Variants in BMP8A observed in about 807,000 individuals in gnomAD.
BMP8A encodes the protein bone morphogenetic protein 8a, also known as BMP-8A.
BMP8A carries 14 observed loss-of-function variants against 36.8 expected under a neutral mutation model. The ratio of observed to expected loss-of-function variants is 0.38; its 90% CI spans 0.25 to 0.60. The LOEUF (loss-of-function observed/expected upper bound fraction) is 0.60, where lower values mean the gene tolerates loss of function less well. Among genes scored for constraint, BMP8A ranks in the 20% least tolerant of loss-of-function variants. BMP8A has a pLI of 0.63. For missense variants in BMP8A, 267 were observed against 551.1 expected, an observed-to-expected ratio of 0.48 and a Z score of 5.16; for synonymous variants, 120 against 237.7, an observed-to-expected ratio of 0.50 and a Z score of 4.55.
intron 3 of BMP8A, among the ~76,000 whole-genome samples, chr1:39,514,657 C>T (rs1399560596): frequency 6.6e-6 from 1 of 152,018 alleles, no homozygotes; most frequent in Non-Finnish European, 1.5e-5. Context: ...GTCTGAGGCT[C>T]CACTGGGGCA....
At chr1:39,498,429 C>T (rs1170172398) in intron 1 of BMP8A, among the ~76,000 whole-genome samples, 2 of 152,218 alleles carry the variant, frequency 1.3e-5, no homozygotes, top group African/African-American at 4.8e-5. Context: ...TTGGCCTTGG[C>T]GGGCTTGATG....
intron 1 of BMP8A, among the ~76,000 whole-genome samples, chr1:39,495,107 G>T (rs942928966): frequency 6.6e-6 from 1 of 152,160 alleles, no homozygotes; most frequent in African/African-American, 2.4e-5. Context: ...AGCCACCATG[G>T]GATCTAATAG....
chr1:39,494,197 C>T (rs188240813), intron 1 of BMP8A, among the ~76,000 whole-genome samples: 2 of 152,336 alleles, frequency 1.3e-5, no homozygotes, highest in African/African-American at 4.8e-5. Flanking sequence ...GTGACAGGAA[C>T]ATCTCCACAT....
At chr1:39,507,013 C>G (rs1348297306) in intron 1 of BMP8A, among the ~76,000 whole-genome samples, 3 of 152,222 alleles carry the variant, frequency 2.0e-5, no homozygotes, top group African/African-American at 7.2e-5. Flanking sequence ...GGAACCTCCT[C>G]CTTCATGCCC....
rs941281 is a variant in BMP8A, at chr1:39,528,818, T to C, written c.*3020T>C. Among the ~76,000 whole-genome samples, 143,203 of 152,026 alleles carry C rather than the reference T, an allele frequency of 0.94. 67,882 individuals are homozygous for C. Among genetic ancestry groups the C allele is most frequent in the East Asian group, 1 (5,155 of 5,168 alleles). On this transcript the variant is annotated 3_prime_UTR_variant, in exon 7 of 7. Coordinates refer to ENST00000331593, the MANE Select transcript of BMP8A (RefSeq NM_181809.4). Reference sequence around the variant, plus strand: ...TGCTGGGCTCAAGCAATCCTCCCACTTCAGCCCGAGTTGCTGGGATGACAG... The same window carrying C: ...TGCTGGGCTCAAGCAATCCTCCCACCTCAGCCCGAGTTGCTGGGATGACAG...
chr1:39,506,501 C>A (rs1557688716), intron 1 of BMP8A, among the ~76,000 whole-genome samples: 1 of 152,026 alleles, frequency 6.6e-6, no homozygotes, highest in Non-Finnish European at 1.5e-5. Context: ...GCCACCGCGC[C>A]CCCCCCAATT....
At chr1:39,495,222 G>T (rs1645195277) in intron 1 of BMP8A, among the ~76,000 whole-genome samples, 1 of 152,194 alleles carries the variant, frequency 6.6e-6, no homozygotes, top group Non-Finnish European at 1.5e-5. Context: ...GCCAGGCCTG[G>T]TGCCCCTAGG....
At chr1:39,503,176 C>T (rs1398792112) in intron 1 of BMP8A, among the ~76,000 whole-genome samples, 5 of 152,028 alleles carry the variant, frequency 3.3e-5, no homozygotes, top group Non-Finnish European at 2.9e-5. Context: ...GACAAGATGG[C>T]AAGACCCCAT....
At chr1:39,518,203 T>C (rs709211) in intron 3 of BMP8A, among the ~76,000 whole-genome samples, 8,686 of 150,856 alleles carry the variant, frequency 0.058, 499 homozygotes, top group African/African-American at 0.19. Context: ...TCCCAGGCCA[T>C]TGGGGGCATG....
At chr1:39,506,001 A>AAAAAAAAAAC in intron 1 of BMP8A, among the ~76,000 whole-genome samples, 1 of 151,358 alleles carries the variant, frequency 6.6e-6, no homozygotes, top group Non-Finnish European at 1.5e-5. Context: ...AAAAAAAAAA[A>AAAAAAAAAAC]AAAAAGTGTC....
rs1645481202 is a variant in BMP8A at position 39,526,136 on chromosome 1, GC to G, written c.*339del. Among the ~76,000 whole-genome samples the G allele has an allele frequency of 2.0e-5, 3 of 152,174 alleles. No homozygotes were observed. The highest frequency in any genetic ancestry group is 2.0e-4 in the Admixed American group (3 of 15,284). On this transcript the variant is annotated 3_prime_UTR_variant, in exon 7 of 7. Coordinates refer to ENST00000331593, the MANE Select transcript of BMP8A (RefSeq NM_181809.4). ...GATGGTCTGAGGTTGGCTGACCCGA[GC>G]TTTTCTCCATTCACCAGAGGGTTTA...
chr1:39,523,257 G>A (rs776306077), intron 6 of BMP8A, 140 bp downstream of exon 6: 22 of 1,045,968 alleles, frequency 2.1e-5, no homozygotes, highest in South Asian at 3.0e-5. Flanking sequence ...CAGTAACGTC[G>A]CTAACTTCCC....
At chr1:39,507,084 G>C (rs1252461970) in intron 1 of BMP8A, among the ~76,000 whole-genome samples, 1 of 152,182 alleles carries the variant, frequency 6.6e-6, no homozygotes, top group East Asian at 1.9e-4. Context: ...GCAGACGGGG[G>C]AACTAGATGT....
chr1:39,529,411 G>T lies in BMP8A; in HGVS notation c.*3613G>T, dbSNP rs12073469. ...GGCCAGCAGTGACCCACGCGCTAGG[G>T]TCTCTGCTGAGGAAGTGGCAGGTGT... On this transcript the variant is annotated 3_prime_UTR_variant, in exon 7 of 7. Coordinates refer to ENST00000331593, the MANE Select transcript of BMP8A (RefSeq NM_181809.4). Among the ~76,000 whole-genome samples, 3,380 of 152,334 alleles carry T rather than the reference G, an allele frequency of 0.022. 104 individuals are homozygous for T. The highest frequency in any genetic ancestry group is 0.078 in the Middle Eastern group (23 of 294).
chr1:39,503,469 A>G (rs1645270080), intron 1 of BMP8A, among the ~76,000 whole-genome samples: 1 of 151,858 alleles, frequency 6.6e-6, no homozygotes, highest in African/African-American at 2.4e-5. Flanking sequence ...TACAAAAAAT[A>G]AATTAGCCAG....
chr1:39,504,947 A>C (rs1239745496), intron 1 of BMP8A, among the ~76,000 whole-genome samples: 1 of 152,188 alleles, frequency 6.6e-6, no homozygotes, highest in Non-Finnish European at 1.5e-5. Context: ...TTGACTTTAC[A>C]CGAACATCTC....
Position 39,521,334 on chromosome 1 carries a change from G to A in BMP8A, c.674-42G>A, listed in dbSNP as rs189810706. The A allele has an allele frequency of 8.4e-5, 90 of 1,071,294 alleles. 20 individuals are homozygous for A. Among genetic ancestry groups the A allele is most frequent in the East Asian group, 2.5e-4 (5 of 19,912 alleles). The allele number at this position is 1,071,294 out of a possible 1,614,324, so 66.4% of individuals were successfully genotyped here. On this transcript the variant is annotated intron_variant, in intron 3 of 6. Transcript: ENST00000331593. ...GAGACCGCTGCTGTGTCTGCTGCAG[G>A]GCCGCTGCCCGTGAGTGACCCCTCT... is the stretch of plus-strand genomic sequence containing the variant.
At chr1:39,492,447 C>T (rs1645169312) in intron 1 of BMP8A, 122 bp downstream of exon 1, 6 of 1,348,838 alleles carry the variant, frequency 4.4e-6, no homozygotes, top group Non-Finnish European at 4.7e-6. Context: ...ACGCGAACCA[C>T]AGGGGAGTGG....
At chr1:39,509,701 C>T (rs1232286188) in intron 1 of BMP8A, among the ~76,000 whole-genome samples, 2 of 152,244 alleles carry the variant, frequency 1.3e-5, no homozygotes, top group African/African-American at 4.8e-5. Context: ...ACATCCGCCT[C>T]GGCCCGCACA....
Sources: gnomAD v4.1 joint callset for allele counts (sites outside exome capture counted in the v4.1 genomes callset) on GRCh38, gnomAD v4.1.1 for gene constraint, MANE v1.5 for transcripts, NCBI Gene and HGNC (gene_info 2026-07-23, HGNC 2026-07-21) for gene names.